RFPL1: variants seen among roughly 807,000 people sequenced by gnomAD.
RFPL1 encodes ret finger protein like 1, also known as ret finger protein-like 1.
In RFPL1, 6 loss-of-function variants were observed where a neutral mutation model predicts 9.6. The observed-to-expected ratio is 0.62, with a 90% confidence interval of 0.34 to 1.23. The LOEUF (loss-of-function observed/expected upper bound fraction) is 1.23, where lower values mean the gene tolerates loss of function less well. RFPL1 is among the 50% of genes most tolerant of loss of function. The pLI is 0.03. For synonymous variants in RFPL1, 145 were observed against 149.4 expected, an observed-to-expected ratio of 0.97 and a Z score of 0.22; for missense variants, 352 against 398.4, an observed-to-expected ratio of 0.88 and a Z score of 0.99.
At chr22:29,389,988 G>A in the RFPL1 span, among the ~76,000 whole-genome samples, 1 of 151,814 alleles carries the variant, frequency 6.6e-6, no homozygotes, top group African/African-American at 2.4e-5. Context: ...TAGTAGAGGC[G>A]GGGGTTTCAC....
chr22:29,429,040 A>G, the RFPL1 span, among the ~76,000 whole-genome samples: 1 of 152,140 alleles, frequency 6.6e-6, no homozygotes. Flanking sequence ...AGTGAAAGGA[A>G]AAGTTGGGTT....
chr22:29,426,555 C>G, the RFPL1 span, among the ~76,000 whole-genome samples: 2 of 152,072 alleles, frequency 1.3e-5, no homozygotes, highest in Non-Finnish European at 2.9e-5. Flanking sequence ...AGTTGAAGAC[C>G]AGCCTGACCA....
chr22:29,418,059 C>T, the RFPL1 span, among the ~76,000 whole-genome samples: 1 of 151,578 alleles, frequency 6.6e-6, no homozygotes, highest in Admixed American at 6.6e-5. Flanking sequence ...GCCTCCTGAG[C>T]AGCTGAAATT....
At chr22:29,437,893 C>T (rs1438282083), upstream of RFPL1, 1 of 612,598 alleles carries the variant, frequency 1.6e-6, no homozygotes, top group Non-Finnish European at 2.7e-6. Flanking sequence ...CCCCAGATCT[C>T]CAGTCTAGGA....
chr22:29,396,761 G>A, the RFPL1 span, among the ~76,000 whole-genome samples: 4 of 151,938 alleles, frequency 2.6e-5, no homozygotes, highest in Non-Finnish European at 5.9e-5. Context: ...CTACAGGCAC[G>A]TGCACCACAC....
the RFPL1 span, among the ~76,000 whole-genome samples, chr22:29,397,862 C>T: frequency 1.1e-4 from 17 of 152,290 alleles, no homozygotes; most frequent in Non-Finnish European, 2.2e-4. Context: ...ACTCTCCAGC[C>T]CGGGCCTTGG....
chr22:29,435,296 G>A (rs924493307), upstream of RFPL1, among the ~76,000 whole-genome samples: 1 of 152,194 alleles, frequency 6.6e-6, no homozygotes, highest in Non-Finnish European at 1.5e-5. Flanking sequence ...CCGTGCTGCT[G>A]TCTCATTGAC....
the RFPL1 span, among the ~76,000 whole-genome samples, chr22:29,394,995 C>T: frequency 6.6e-6 from 1 of 152,168 alleles, no homozygotes; most frequent in African/African-American, 2.4e-5. Context: ...CACTGTGACC[C>T]CTGCCACTGG....
the RFPL1 span, among the ~76,000 whole-genome samples, chr22:29,408,791 A>C: frequency 6.6e-6 from 1 of 152,206 alleles, no homozygotes; most frequent in Non-Finnish European, 1.5e-5. Flanking sequence ...TGTATTTCTC[A>C]GTAGCAACCT....
chr22:29,413,725 T>C, the RFPL1 span, among the ~76,000 whole-genome samples: 5 of 152,230 alleles, frequency 3.3e-5, no homozygotes, highest in Non-Finnish European at 4.4e-5. Context: ...TTTAACCTTT[T>C]ATAATTTTTG....
chr22:29,397,001 G>C, the RFPL1 span, among the ~76,000 whole-genome samples: 42 of 149,710 alleles, frequency 2.8e-4, no homozygotes, highest in African/African-American at 1.0e-3. Context: ...CCGCCTCCCG[G>C]GTTCACGCCA....
the RFPL1 span, among the ~76,000 whole-genome samples, chr22:29,427,645 A>G: frequency 6.6e-6 from 1 of 152,102 alleles, no homozygotes; most frequent in East Asian, 1.9e-4. Context: ...AAAGTATACC[A>G]TATCAAGCAT....
At chr22:29,415,491 A>G in the RFPL1 span, among the ~76,000 whole-genome samples, 1 of 152,246 alleles carries the variant, frequency 6.6e-6, no homozygotes, top group Non-Finnish European at 1.5e-5. Context: ...GAGCATGCTC[A>G]GGAACCGCGT....
At chr22:29,429,169 C>T in the RFPL1 span, among the ~76,000 whole-genome samples, 2 of 152,152 alleles carry the variant, frequency 1.3e-5, no homozygotes, top group African/African-American at 4.8e-5. Flanking sequence ...ATCCTCCCAC[C>T]CCAGCCTCTA....
chr22:29,409,223 C>A, the RFPL1 span, among the ~76,000 whole-genome samples: 1 of 152,122 alleles, frequency 6.6e-6, no homozygotes, highest in Non-Finnish European at 1.5e-5. Flanking sequence ...CTCAAAGAAA[C>A]CCCACTAGTA....
At chr22:29,418,323 A>G in the RFPL1 span, among the ~76,000 whole-genome samples, 1 of 152,040 alleles carries the variant, frequency 6.6e-6, no homozygotes, top group Non-Finnish European at 1.5e-5. Flanking sequence ...TCTACACACG[A>G]CCTGCTTTAG....
chr22:29,395,622 G>T, the RFPL1 span, among the ~76,000 whole-genome samples: 1 of 152,188 alleles, frequency 6.6e-6, no homozygotes, highest in South Asian at 2.1e-4. Flanking sequence ...CTCTTGAAGA[G>T]CTCTGCTCTC....
the RFPL1 span, among the ~76,000 whole-genome samples, chr22:29,416,118 G>A: frequency 4.3e-4 from 66 of 152,254 alleles, no homozygotes; most frequent in Non-Finnish European, 7.9e-4. Context: ...CATTCTTTAG[G>A]GAAGCAAACG....
At chr22:29,441,088 T>C (rs1490675829) in intron 1 of RFPL1, 1 of 165,306 alleles carries the variant, frequency 6.0e-6, no homozygotes, top group Non-Finnish European at 1.3e-5. Context: ...CCATGCACAA[T>C]TAATTTGCTT....
Sources: gnomAD v4.1 joint callset for allele counts (sites outside exome capture counted in the v4.1 genomes callset) on GRCh38, gnomAD v4.1.1 for gene constraint, MANE v1.5 for transcripts, NCBI Gene and HGNC (gene_info 2026-07-23, HGNC 2026-07-21) for gene names.